Variants in XPR1 observed in about 807,000 individuals in gnomAD.
The protein encoded by XPR1 is solute carrier family 53 member 1.
XPR1 carries 28 observed loss-of-function variants against 87.5 expected under a neutral mutation model. That is an observed-to-expected ratio of 0.32 (90% CI 0.24 to 0.44). The LOEUF is 0.44. Among genes scored for constraint, XPR1 ranks in the 20% least tolerant of loss-of-function variants. XPR1 has a pLI of 1.00. For synonymous variants in XPR1, 300 were observed against 306.1 expected (o/e 0.98, Z 0.21); for missense variants, 559 against 862.3 (o/e 0.65, Z 4.41).
intron 1 of XPR1, among the ~76,000 whole-genome samples, chr1:180,649,255 C>T (rs936566996): frequency 6.6e-6 from 1 of 150,728 alleles, no homozygotes; most frequent in Non-Finnish European, 1.5e-5. Flanking sequence ...GAAACCCCAT[C>T]TCTACTAAAA....
intron 2 of XPR1, among the ~76,000 whole-genome samples, chr1:180,764,043 A>G (rs901242731): frequency 2.6e-5 from 4 of 152,146 alleles, no homozygotes; most frequent in Non-Finnish European, 5.9e-5. Context: ...ATTTTTCCTG[A>G]TAAGTACTTA....
At chr1:180,803,696 T>C in intron 4 of XPR1, 85 bp downstream of exon 4, 1 of 1,201,208 alleles carries the variant, frequency 8.3e-7, no homozygotes, top group Non-Finnish European at 1.2e-6. Flanking sequence ...GTATTACCAG[T>C]GGGTCAGTTC....
intron 3 of XPR1, among the ~76,000 whole-genome samples, chr1:180,793,484 T>C (rs550440057): frequency 6.9e-6 from 1 of 145,526 alleles, no homozygotes; most frequent in South Asian, 2.2e-4. Flanking sequence ...GGTTTTGTTC[T>C]TTGCTCATGT....
chr1:180,775,151 C>CAT (rs2102070759), intron 2 of XPR1, among the ~76,000 whole-genome samples: 1 of 152,334 alleles, frequency 6.6e-6, no homozygotes, highest in East Asian at 1.9e-4. Flanking sequence ...CACAACATTA[C>CAT]ATATATGCTT....
chr1:180,670,682 A>G (rs1206782549), intron 1 of XPR1, among the ~76,000 whole-genome samples: 3 of 152,170 alleles, frequency 2.0e-5, no homozygotes, highest in Non-Finnish European at 4.4e-5. Context: ...CTGCCCATAT[A>G]TTTATCTTTA....
chr1:180,721,977 G>A (rs984778783), intron 2 of XPR1, among the ~76,000 whole-genome samples: 4 of 152,002 alleles, frequency 2.6e-5, no homozygotes, highest in Admixed American at 6.6e-5. Context: ...AAAGATGTAC[G>A]TAAGGCCAGG....
chr1:180,725,724 A>G (rs1658316087), intron 2 of XPR1, among the ~76,000 whole-genome samples: 1 of 152,204 alleles, frequency 6.6e-6, no homozygotes, highest in Non-Finnish European at 1.5e-5. Flanking sequence ...TTTTGTTGTA[A>G]GTAAATCTGA....
Position 180,889,645 on chromosome 1 carries a change from AAGAAC to A in XPR1, c.*5585_*5589del, listed in dbSNP as rs1653123796. ...GAGCCACTCACATTTCAATTACAAA[AAGAAC>A]AGAACTCTTAATCACGTTGTGAAGA... On this transcript the variant is annotated 3_prime_UTR_variant, in exon 15 of 15. Transcript: ENST00000367590. The A allele has an allele frequency of 6.6e-6, 1 of 152,278 alleles. No individual in the cohort carries two copies. Among genetic ancestry groups the A allele is most frequent in the Admixed American group, 6.5e-5 (1 of 15,284 alleles). 9.4% of individuals were successfully genotyped at this position (152,278 alleles called of 1,614,324 possible). A position where few individuals can be genotyped will look rare whatever the true frequency, so the allele number is the denominator to read the frequency against.
intron 2 of XPR1, among the ~76,000 whole-genome samples, chr1:180,729,608 A>T (rs1658483782): frequency 6.6e-6 from 1 of 152,092 alleles, no homozygotes; most frequent in South Asian, 2.1e-4. Flanking sequence ...CTGGTGTGAG[A>T]TGGTATCTCA....
intron 2 of XPR1, among the ~76,000 whole-genome samples, chr1:180,771,115 T>C (rs1648497169): frequency 6.6e-6 from 1 of 152,190 alleles, no homozygotes; most frequent in Admixed American, 6.5e-5. Flanking sequence ...ACTATATCCT[T>C]AGTTAATAAA....
intron 13 of XPR1, among the ~76,000 whole-genome samples, chr1:180,875,528 A>T (rs1055917983): frequency 3.1e-4 from 46 of 148,242 alleles, no homozygotes; most frequent in Middle Eastern, 3.4e-3. Flanking sequence ...AAAAAAAAAA[A>T]TTTTTTTTTG....
intron 2 of XPR1, among the ~76,000 whole-genome samples, chr1:180,702,587 G>A (rs1054680973): frequency 1.3e-5 from 2 of 151,796 alleles, no homozygotes; most frequent in Non-Finnish European, 1.5e-5. Flanking sequence ...TGAAGCTCTC[G>A]ATTGTATCTT....
chr1:180,880,339 G>A, intron 14 of XPR1, 42 bp downstream of exon 14: 1 of 1,608,826 alleles, frequency 6.2e-7, no homozygotes, highest in Non-Finnish European at 8.5e-7. Context: ...TTTCCTTTGA[G>A]TTTTAGCATT....
chr1:180,676,196 TTAAAG>T (rs767238779), intron 1 of XPR1, among the ~76,000 whole-genome samples: 3 of 152,236 alleles, frequency 2.0e-5, no homozygotes, highest in Admixed American at 6.5e-5. Context: ...TTAATCATCT[TTAAAG>T]TAATTTCTCC....
At chr1:180,744,592 G>T (rs908090667) in intron 2 of XPR1, among the ~76,000 whole-genome samples, 1 of 150,484 alleles carries the variant, frequency 6.6e-6, no homozygotes, top group Non-Finnish European at 1.5e-5. Context: ...AAGATTCAAG[G>T]TCTTGCTTAT....
At chr1:180,762,292 G>T (rs918122686) in intron 2 of XPR1, among the ~76,000 whole-genome samples, 5 of 151,628 alleles carry the variant, frequency 3.3e-5, no homozygotes, top group African/African-American at 1.2e-4. Flanking sequence ...AAAAAGAAAG[G>T]TAAAGATGGC....
chr1:180,828,535 C>T (rs951556706), intron 9 of XPR1, among the ~76,000 whole-genome samples: 1 of 152,074 alleles, frequency 6.6e-6, no homozygotes. Flanking sequence ...TCCTTTGTTA[C>T]ATAATTTAGA....
intron 11 of XPR1, among the ~76,000 whole-genome samples, chr1:180,846,952 C>G (rs1651706184): frequency 6.6e-6 from 1 of 151,690 alleles, no homozygotes; most frequent in Non-Finnish European, 1.5e-5. Flanking sequence ...TCTACTTGTT[C>G]CTCTCCTGTG....
At chr1:180,635,665 C>T (rs919339057) in intron 1 of XPR1, among the ~76,000 whole-genome samples, 1 of 152,080 alleles carries the variant, frequency 6.6e-6, no homozygotes, top group Non-Finnish European at 1.5e-5. Context: ...AACTAAGGTC[C>T]AGAGGGGTTA....
Sources: gnomAD v4.1 joint callset for allele counts (sites outside exome capture counted in the v4.1 genomes callset) on GRCh38, gnomAD v4.1.1 for gene constraint, MANE v1.5 for transcripts, NCBI Gene and HGNC (gene_info 2026-07-23, HGNC 2026-07-21) for gene names.